The following SGCZ variants were observed in gnomAD, a reference collection of about 807,000 sequenced individuals.
SGCZ encodes zeta-sarcoglycan.
Under a neutral mutation model 41.3 loss-of-function variants are expected in SGCZ, and 40 were observed. The observed-to-expected ratio is 0.97, with a 90% CI of 0.75 to 1.26. The LOEUF is 1.26. SGCZ is among the 50% of genes most tolerant of loss of function. The pLI, the probability that SGCZ is intolerant of heterozygous loss-of-function variation, is 0.00. For missense variants in SGCZ, 552 were observed against 369.8 expected, an observed-to-expected ratio of 1.49 and a Z score of -4.04; for synonymous variants, 206 against 137.5, an observed-to-expected ratio of 1.50 and a Z score of -3.49.
rs539033035 is a variant in SGCZ at position 14,970,376 on chromosome 8, G to A, written c.39+267209C>T. ...AATAATTTGCTCCTTGGTAGATTTT[G>A]ATTTAAACAAATATTTGCCTAACTA... On this transcript the variant is annotated intron_variant, in intron 1 of 7. Coordinates refer to ENST00000382080, the MANE Select transcript of SGCZ (RefSeq NM_139167.4). Among the ~76,000 whole-genome samples the A allele has an allele frequency of 3.3e-5, 5 of 152,140 alleles. No homozygotes were observed. In the South Asian group the frequency reaches 6.2e-4, roughly 19 times the overall value.
At chr8:14,640,358 G>A (rs978481222) in intron 1 of SGCZ, among the ~76,000 whole-genome samples, 7 of 151,554 alleles carry the variant, frequency 4.6e-5, no homozygotes, top group South Asian at 2.1e-4. Flanking sequence ...TGAAGATATC[G>A]TTATCCTGTC....
intron 1 of SGCZ, among the ~76,000 whole-genome samples, chr8:14,847,774 A>G (rs1390505615): frequency 7.7e-6 from 1 of 129,858 alleles, no homozygotes; most frequent in Admixed American, 8.0e-5. Context: ...CGCAGCTAAC[A>G]TCATAGTTAA....
At chr8:14,242,088 A>G (rs868794301) in intron 3 of SGCZ, among the ~76,000 whole-genome samples, 10 of 152,172 alleles carry the variant, frequency 6.6e-5, no homozygotes, top group Admixed American at 2.6e-4. Flanking sequence ...AATAAACCAG[A>G]TAATTAACAA....
intron 3 of SGCZ, among the ~76,000 whole-genome samples, chr8:14,270,188 TG>T (rs1563224974): frequency 6.6e-6 from 1 of 151,684 alleles, no homozygotes; most frequent in East Asian, 1.9e-4. Context: ...AAAAATTAGC[TG>T]GTTGTGGTGA....
intron 1 of SGCZ, among the ~76,000 whole-genome samples, chr8:14,960,849 C>T (rs1036755006): frequency 6.6e-6 from 1 of 151,754 alleles, no homozygotes; most frequent in Non-Finnish European, 1.5e-5. Flanking sequence ...TCTGTGAAGA[C>T]AGAATCATGT....
intron 5 of SGCZ, among the ~76,000 whole-genome samples, chr8:14,109,423 T>C (rs1185870702): frequency 2.0e-5 from 3 of 152,192 alleles, no homozygotes; most frequent in Non-Finnish European, 4.4e-5. Flanking sequence ...TTTGCATAAA[T>C]GTCTTTATCA....
At chr8:15,190,442 C>T (rs1172697931) in intron 1 of SGCZ, among the ~76,000 whole-genome samples, 2 of 152,102 alleles carry the variant, frequency 1.3e-5, no homozygotes, top group Non-Finnish European at 2.9e-5. Flanking sequence ...GACTCACTCT[C>T]AGCCCTCAAG....
At chr8:14,443,724 G>T (rs1800344061) in intron 2 of SGCZ, among the ~76,000 whole-genome samples, 1 of 152,076 alleles carries the variant, frequency 6.6e-6, no homozygotes, top group South Asian at 2.1e-4. Flanking sequence ...GAAAACCTAG[G>T]CATTACCATT....
intron 3 of SGCZ, among the ~76,000 whole-genome samples, chr8:14,304,249 C>T (rs1801282129): frequency 6.6e-6 from 1 of 151,292 alleles, no homozygotes; most frequent in Non-Finnish European, 1.5e-5. Context: ...TCGAGACCAG[C>T]CTAGGCAACA....
At chr8:15,065,607 T>C (rs1039570392) in intron 1 of SGCZ, among the ~76,000 whole-genome samples, 1 of 151,708 alleles carries the variant, frequency 6.6e-6, no homozygotes, top group African/African-American at 2.4e-5. Flanking sequence ...CAGCTAACGT[T>C]TTTGTATTTT....
intron 1 of SGCZ, among the ~76,000 whole-genome samples, chr8:15,072,453 G>A (rs868321364): frequency 6.6e-6 from 1 of 152,096 alleles, no homozygotes; most frequent in East Asian, 1.9e-4. Context: ...AGTGGTTAAA[G>A]CATTTTTTCT....
chr8:14,498,345 T>C (rs754072644), intron 2 of SGCZ, among the ~76,000 whole-genome samples: 1 of 152,128 alleles, frequency 6.6e-6, no homozygotes, highest in African/African-American at 2.4e-5. Flanking sequence ...AATTTGTATT[T>C]TGTTGGGTTC....
intron 1 of SGCZ, among the ~76,000 whole-genome samples, chr8:15,140,387 A>G (rs979533443): frequency 6.6e-6 from 1 of 151,888 alleles, no homozygotes; most frequent in Admixed American, 6.6e-5. Context: ...GAAACCACTC[A>G]CCCTTCTTGG....
intron 1 of SGCZ, among the ~76,000 whole-genome samples, chr8:14,986,456 G>C (rs931585939): frequency 1.3e-5 from 2 of 151,938 alleles, no homozygotes; most frequent in African/African-American, 4.8e-5. Flanking sequence ...TGAGATTTTT[G>C]GTTATCACAT....
At chr8:14,836,691 C>A (rs889335547) in intron 1 of SGCZ, among the ~76,000 whole-genome samples, 1 of 152,062 alleles carries the variant, frequency 6.6e-6, no homozygotes, top group South Asian at 2.1e-4. Context: ...AGTAGAGACA[C>A]GGTTTTACCG....
chr8:14,252,811 G>A (rs762022656), intron 3 of SGCZ, among the ~76,000 whole-genome samples: 2 of 152,066 alleles, frequency 1.3e-5, no homozygotes, highest in Admixed American at 6.6e-5. Context: ...TGTCTCTAAG[G>A]GAAATTCTGA....
intron 1 of SGCZ, among the ~76,000 whole-genome samples, chr8:14,572,819 G>T (rs933990336): frequency 6.6e-6 from 1 of 152,094 alleles, no homozygotes; most frequent in Non-Finnish European, 1.5e-5. Context: ...TCCCACAAAT[G>T]AATAGAAACC....
intron 1 of SGCZ, among the ~76,000 whole-genome samples, chr8:15,093,859 G>A (rs1304160921): frequency 1.3e-5 from 2 of 152,114 alleles, no homozygotes; most frequent in African/African-American, 4.8e-5. Flanking sequence ...ATATATGAGT[G>A]TCCACTTAAT....
At chr8:14,532,992 T>A (rs186870996) in intron 2 of SGCZ, among the ~76,000 whole-genome samples, 278 of 152,162 alleles carry the variant, frequency 1.8e-3, no homozygotes, top group African/African-American at 6.5e-3. Context: ...AATTGCATTA[T>A]TTCTTTGTTA....
Sources: gnomAD v4.1 joint callset for allele counts (sites outside exome capture counted in the v4.1 genomes callset) on GRCh38, gnomAD v4.1.1 for gene constraint, MANE v1.5 for transcripts, NCBI Gene and HGNC (gene_info 2026-07-23, HGNC 2026-07-21) for gene names.